Variants in CD244 observed in about 807,000 individuals in gnomAD.
The protein encoded by CD244 is CD244 molecule, also known as natural killer cell receptor 2B4.
CD244 carries 20 observed loss-of-function variants against 45.5 expected under a neutral mutation model. The observed-to-expected ratio is 0.44, with a 90% CI of 0.31 to 0.64. CD244 has a LOEUF of 0.64. Ranked by LOEUF, CD244 falls within the 30% of genes least tolerant of loss-of-function variation. The probability of loss-of-function intolerance (pLI) is 0.08; values close to 1 mark genes in which losing one functional copy is unlikely to be tolerated. For synonymous variants in CD244, 185 were observed against 160.5 expected (o/e 1.15, Z -1.15); for missense variants, 407 against 426.9 (o/e 0.95, Z 0.41).
At position 160,841,585 on chromosome 1, in the gene CD244, A is replaced by T. The variant is rs763424550; in HGVS notation, c.378T>A (p.Phe126Leu). ...VQTATFQVFV[F>L]DKVEKPRLQG... Reference sequence around the variant, plus strand: ...GTATGAACAGTCCTGGAGACTTACCAAATACAAAAACCTGGAACGTGGCTG... The same window carrying T: ...GTATGAACAGTCCTGGAGACTTACCTAATACAAAAACCTGGAACGTGGCTG... Residue 126 changes from phenylalanine to leucine, a missense_variant and splice_region_variant, in exon 2 of 9, where the codon TTT becomes TTA. By Grantham distance (22) the Phe-to-Leu change is conservative. Coordinates refer to ENST00000368034, the MANE Select transcript of CD244 (RefSeq NM_016382.4). 2.5e-6 allele frequency: 4 copies of T among 1,613,820 alleles called. No homozygotes were observed. The highest frequency in any genetic ancestry group is 3.4e-6 in the Non-Finnish European group (4 of 1,179,912).
intron 1 of CD244, among the ~76,000 whole-genome samples, chr1:160,845,972 G>C (rs55653503): frequency 6.6e-6 from 1 of 151,828 alleles, no homozygotes; most frequent in African/African-American, 2.4e-5. Context: ...CAGAGTGGGG[G>C]AAAACTAAAT....
intron 3 of CD244, 143 bp downstream of exon 3, chr1:160,841,067 C>T: frequency 2.7e-6 from 2 of 754,592 alleles, no homozygotes; most frequent in Admixed American, 2.5e-5. Context: ...TGCCTGGAGG[C>T]CAGGGCTACC....
chr1:160,862,066 C>G (rs12046019), intron 1 of CD244, among the ~76,000 whole-genome samples: 37,062 of 151,774 alleles, frequency 0.24, 4,846 homozygotes, highest in East Asian at 0.39. Flanking sequence ...CTGCCCCAAC[C>G]CTGCATGTCC....
In CD244 at chr1:160,831,218, A is replaced by C; in HGVS notation, c.*129T>G. On this transcript the variant is annotated 3_prime_UTR_variant, in exon 9 of 9. Coordinates refer to ENST00000368034, the MANE Select transcript of CD244 (RefSeq NM_016382.4). ...ACATCATTTTCAAAACAAAATATAGAACAAGAACAAATTTCCATATCCTCT... is the reference window on the plus strand; with the variant it reads ...ACATCATTTTCAAAACAAAATATAGCACAAGAACAAATTTCCATATCCTCT... 1 of 693,240 alleles carries C rather than the reference A, an allele frequency of 1.4e-6. No homozygotes were observed. Among genetic ancestry groups the C allele is most frequent in the African/African-American group, 1.8e-5 (1 of 56,162 alleles). 42.9% of individuals were successfully genotyped at this position (693,240 alleles called of 1,614,324 possible). A position where few individuals can be genotyped will look rare whatever the true frequency, so the allele number is the denominator to read the frequency against.
Position 160,841,806 on chromosome 1 carries a change from A to C in CD244, c.157T>G (p.Trp53Gly), listed in dbSNP as rs200158537. Residue 53 changes from tryptophan (W) to glycine (G), a missense_variant, in exon 2 of 9, where the codon TGG becomes GGG. Coordinates refer to ENST00000368034, the MANE Select transcript of CD244 (RefSeq NM_016382.4). The stretch of plus-strand genomic sequence containing the variant: ...TTTTGTGAGGGCAGCAACTTCTTCC[A>C]TGCAATGCTGTCAACCTTCGTCTGT... ...SIQTKVDSIA[W>G]KKLLPSQNGF... 1 of 1,614,196 alleles carries C rather than the reference A, an allele frequency of 6.2e-7. No individual in the cohort carries two copies. Among genetic ancestry groups the C allele is most frequent in the African/African-American group, 1.3e-5 (1 of 75,048 alleles).
At chr1:160,844,392 A>G (rs922997499) in intron 1 of CD244, among the ~76,000 whole-genome samples, 12 of 152,232 alleles carry the variant, frequency 7.9e-5, no homozygotes, top group African/African-American at 2.9e-4. Flanking sequence ...CTAGCGTGAT[A>G]GAATGCAAAA....
At chr1:160,838,615 TA>T in intron 4 of CD244, 97 bp from the exon 5 acceptor site, 6 of 869,722 alleles carry the variant, frequency 6.9e-6, no homozygotes, top group Admixed American at 1.9e-5. Flanking sequence ...GGCCAAACCT[TA>T]AAAAAGGTTC....
chr1:160,861,386 G>C (rs1670296897), intron 1 of CD244, among the ~76,000 whole-genome samples: 1 of 152,184 alleles, frequency 6.6e-6, no homozygotes, highest in African/African-American at 2.4e-5. Context: ...GAGTACCTGG[G>C]CATGGGACTT....
intron 1 of CD244, among the ~76,000 whole-genome samples, chr1:160,852,281 G>A (rs551861125): frequency 1.6e-4 from 25 of 152,350 alleles, no homozygotes; most frequent in Admixed American, 6.5e-4. Context: ...TGGGCGAAGC[G>A]GCTCAAGCCT....
intron 1 of CD244, among the ~76,000 whole-genome samples, chr1:160,859,261 A>G (rs7419110): frequency 0.25 from 37,523 of 152,110 alleles, 4,990 homozygotes; most frequent in East Asian, 0.4. Context: ...CCAGCAGGCA[A>G]CATGGCTGAA....
intron 1 of CD244, among the ~76,000 whole-genome samples, chr1:160,861,986 G>A (rs1280359859): frequency 2.6e-5 from 4 of 152,230 alleles, no homozygotes; most frequent in African/African-American, 2.4e-5. Flanking sequence ...AGGAGTAAAT[G>A]TTAGATGGCT....
chr1:160,858,458 G>T (rs4656939), intron 1 of CD244, among the ~76,000 whole-genome samples: 1 of 152,104 alleles, frequency 6.6e-6, no homozygotes, highest in African/African-American at 2.4e-5. Flanking sequence ...GGGATTCATA[G>T]CCTCCAGCCT....
chr1:160,852,275 C>T (rs982040594), intron 1 of CD244, among the ~76,000 whole-genome samples: 31 of 152,324 alleles, frequency 2.0e-4, no homozygotes, highest in Admixed American at 1.7e-3. Context: ...GAAGGCTGGG[C>T]GAAGCGGCTC....
chr1:160,847,047 AAAG>A (rs1355451380), intron 1 of CD244, among the ~76,000 whole-genome samples: 1 of 152,176 alleles, frequency 6.6e-6, no homozygotes, highest in Non-Finnish European at 1.5e-5. Context: ...ATTAAATACA[AAAG>A]AAGGCAATAA....
intron 1 of CD244, among the ~76,000 whole-genome samples, chr1:160,849,740 G>C (rs1164283604): frequency 6.6e-6 from 1 of 152,164 alleles, no homozygotes; most frequent in African/African-American, 2.4e-5. Context: ...AAATGAATAT[G>C]TGAGGCTGGG....
intron 6 of CD244, among the ~76,000 whole-genome samples, chr1:160,834,985 G>A (rs1409312618): frequency 1.3e-5 from 2 of 152,296 alleles, no homozygotes; most frequent in African/African-American, 4.8e-5. Context: ...CCTCTCATTG[G>A]AGTTCAATGT....
intron 5 of CD244, 143 bp from the exon 6 acceptor site, chr1:160,836,397 C>T: frequency 1.5e-6 from 1 of 688,648 alleles, no homozygotes; most frequent in South Asian, 1.6e-5. Context: ...GTCATTGATC[C>T]TCCCAAGATG....
intron 7 of CD244, among the ~76,000 whole-genome samples, chr1:160,833,505 C>G (rs1318967092): frequency 6.6e-6 from 1 of 152,178 alleles, no homozygotes; most frequent in African/African-American, 2.4e-5. Context: ...TCCAAGTACA[C>G]AAGAGAGCTA....
intron 1 of CD244, among the ~76,000 whole-genome samples, chr1:160,861,825 A>G (rs1357505238): frequency 1.3e-5 from 2 of 152,182 alleles, no homozygotes; most frequent in Admixed American, 6.5e-5. Context: ...TGACAGAAGG[A>G]GACTCTGTCT....
Sources: allele counts gnomAD v4.1 joint callset (sites outside exome capture counted in the v4.1 genomes callset), GRCh38; gene constraint gnomAD v4.1.1; transcripts MANE v1.5; gene names NCBI Gene and HGNC (gene_info 2026-07-23, HGNC 2026-07-21).